Variants in LRRC8D observed in about 807,000 individuals in gnomAD.
LRRC8D encodes leucine rich repeat containing 8 VRAC subunit D.
A neutral mutation model predicts 55.8 loss-of-function variants in LRRC8D; 20 were observed. The ratio of observed to expected loss-of-function variants is 0.36; its 90% CI spans 0.25 to 0.52. LRRC8D has a LOEUF of 0.52. Among genes scored for constraint, LRRC8D ranks in the 20% least tolerant of loss-of-function variants. The pLI, the probability that LRRC8D is intolerant of heterozygous loss-of-function variation, is 0.93. For missense variants in LRRC8D, 651 were observed against 1,030.8 expected (o/e 0.63, Z 5.05); for synonymous variants, 352 against 377.0 (o/e 0.93, Z 0.77).
At chr1:89,844,589 CTT>C (rs752554130) in intron 2 of LRRC8D, among the ~76,000 whole-genome samples, 1 of 152,298 alleles carries the variant, frequency 6.6e-6, no homozygotes, top group East Asian at 1.9e-4. Flanking sequence ...TTGAGAGTGA[CTT>C]TTCTCAAATT....
intron 2 of LRRC8D, among the ~76,000 whole-genome samples, chr1:89,917,624 C>G (rs922469908): frequency 6.6e-6 from 1 of 152,082 alleles, no homozygotes; most frequent in Non-Finnish European, 1.5e-5. Flanking sequence ...CCTTCCATCA[C>G]GATTTCCTCA....
At chr1:89,865,995 T>C (rs1235728237) in intron 2 of LRRC8D, among the ~76,000 whole-genome samples, 1 of 152,242 alleles carries the variant, frequency 6.6e-6, no homozygotes, top group Non-Finnish European at 1.5e-5. Context: ...ACAGAACTTT[T>C]TGTTATCATT....
At chr1:89,853,717 A>C (rs1009115635) in intron 2 of LRRC8D, among the ~76,000 whole-genome samples, 1 of 152,132 alleles carries the variant, frequency 6.6e-6, no homozygotes, top group Non-Finnish European at 1.5e-5. Context: ...CGGTAGAGTG[A>C]AGATTGAATA....
chr1:89,897,410 G>A (rs1198864556), intron 2 of LRRC8D, among the ~76,000 whole-genome samples: 2 of 152,204 alleles, frequency 1.3e-5, no homozygotes, highest in Non-Finnish European at 2.9e-5. Context: ...TTTGTCACAA[G>A]AAAGGCGAGA....
intron 2 of LRRC8D, among the ~76,000 whole-genome samples, chr1:89,851,691 G>C (rs1371537862): frequency 6.6e-6 from 1 of 151,970 alleles, no homozygotes; most frequent in Non-Finnish European, 1.5e-5. Context: ...TTGTATTTTA[G>C]TAGAGATGGG....
chr1:89,881,691 G>C (rs2100850823), intron 2 of LRRC8D, among the ~76,000 whole-genome samples: 1 of 152,172 alleles, frequency 6.6e-6, no homozygotes, highest in South Asian at 2.1e-4. Context: ...AGACATGAAT[G>C]GCCTGAAAAG....
chr1:89,894,316 T>G (rs1662653080), intron 2 of LRRC8D, among the ~76,000 whole-genome samples: 1 of 152,220 alleles, frequency 6.6e-6, no homozygotes, highest in Admixed American at 6.5e-5. Flanking sequence ...CAGTTCAGAC[T>G]AAGACAGCCC....
At chr1:89,887,151 T>C (rs1216768407) in intron 2 of LRRC8D, among the ~76,000 whole-genome samples, 1 of 152,184 alleles carries the variant, frequency 6.6e-6, no homozygotes, top group African/African-American at 2.4e-5. Context: ...ACCTCAGATA[T>C]CTTGAAGGGT....
chr1:89,822,541 G>C (rs1202706616), intron 1 of LRRC8D, among the ~76,000 whole-genome samples: 1 of 152,154 alleles, frequency 6.6e-6, no homozygotes, highest in Non-Finnish European at 1.5e-5. Context: ...GTAAAATTCC[G>C]TACAGGCAGC....
intron 1 of LRRC8D, among the ~76,000 whole-genome samples, chr1:89,834,802 G>T (rs1660966946): frequency 6.6e-6 from 1 of 152,174 alleles, no homozygotes; most frequent in Admixed American, 6.5e-5. Context: ...AGAGCTGAGG[G>T]AACGTTGGAG....
chr1:89,875,742 A>T (rs533696839), intron 2 of LRRC8D, among the ~76,000 whole-genome samples: 10 of 152,152 alleles, frequency 6.6e-5, no homozygotes, highest in Non-Finnish European at 1.5e-4. Context: ...CTTATAGAGG[A>T]CTTACTCTAT....
intron 2 of LRRC8D, among the ~76,000 whole-genome samples, chr1:89,871,503 T>C (rs1662006535): frequency 6.6e-6 from 1 of 152,246 alleles, no homozygotes; most frequent in Non-Finnish European, 1.5e-5. Context: ...ACTTAAAGTA[T>C]ATTTGAACAG....
At chr1:89,885,365 C>T (rs576550557) in intron 2 of LRRC8D, among the ~76,000 whole-genome samples, 12 of 152,256 alleles carry the variant, frequency 7.9e-5, no homozygotes, top group African/African-American at 2.9e-4. Context: ...TATTATGAGT[C>T]ATAAAAGAAA....
intron 2 of LRRC8D, among the ~76,000 whole-genome samples, chr1:89,850,289 CTTTTA>C (rs1409090857): frequency 1.3e-5 from 2 of 152,186 alleles, no homozygotes; most frequent in African/African-American, 4.8e-5. Context: ...TATTTTTCAA[CTTTTA>C]TTTTAAGTTT....
rs1455161768 is a variant in LRRC8D at position 89,935,143 on chromosome 1, A to G, written c.2075A>G (p.His692Arg). 1 of 1,614,154 alleles carries G rather than the reference A, an allele frequency of 6.2e-7. No individual in the cohort carries two copies. Among genetic ancestry groups the G allele is most frequent in the East Asian group, 2.2e-5 (1 of 44,900 alleles). Residue 692 changes from histidine to arginine, a missense_variant, in exon 3 of 3, where the codon CAT (histidine) becomes CGT (arginine). Transcript: ENST00000337338. ...LKRLTCLKLWHNKIVTIPPSI... is the reference protein window; with the variant it reads ...LKRLTCLKLWRNKIVTIPPSI... ...CGACTGACTTGTTTAAAATTATGGCATAACAAAATTGTTACTATTCCTCCC... is the reference window on the plus strand; with the variant it reads ...CGACTGACTTGTTTAAAATTATGGCGTAACAAAATTGTTACTATTCCTCCC...
At chr1:89,902,585 G>A (rs1644855751) in intron 2 of LRRC8D, among the ~76,000 whole-genome samples, 1 of 150,320 alleles carries the variant, frequency 6.7e-6, no homozygotes, top group South Asian at 2.1e-4. Flanking sequence ...CGCCCTGGCT[G>A]GAGTGCGGTG....
intron 2 of LRRC8D, among the ~76,000 whole-genome samples, chr1:89,877,447 T>G (rs1662175179): frequency 6.6e-6 from 1 of 152,228 alleles, no homozygotes; most frequent in African/African-American, 2.4e-5. Flanking sequence ...AAAAGCTTTG[T>G]GAGTGTTTGC....
At chr1:89,839,839 A>G (rs953496196) in intron 1 of LRRC8D, among the ~76,000 whole-genome samples, 3 of 152,224 alleles carry the variant, frequency 2.0e-5, no homozygotes, top group African/African-American at 7.2e-5. Flanking sequence ...TCCATGTGTA[A>G]TAATCACCAG....
At chr1:89,929,410 G>C (rs1663644320) in intron 2 of LRRC8D, among the ~76,000 whole-genome samples, 1 of 152,196 alleles carries the variant, frequency 6.6e-6, no homozygotes. Context: ...AACAGAGAGA[G>C]CCTGAAGAGT....
Sources: gnomAD v4.1 joint callset for allele counts (sites outside exome capture counted in the v4.1 genomes callset) on GRCh38, gnomAD v4.1.1 for gene constraint, MANE v1.5 for transcripts, NCBI Gene and HGNC (gene_info 2026-07-23, HGNC 2026-07-21) for gene names.